The following RRP1B variants were observed in gnomAD, a reference collection of about 807,000 sequenced individuals.
RRP1B encodes the protein ribosomal RNA processing protein 1 homolog B.
In RRP1B, 56 loss-of-function variants were observed where a neutral mutation model predicts 80.2. The ratio of observed to expected loss-of-function variants is 0.70; its 90% CI spans 0.56 to 0.87. RRP1B has a LOEUF of 0.87. RRP1B is among the 40% of genes least tolerant of loss of function. The probability of loss-of-function intolerance (pLI) is 0.00; values close to 1 mark genes in which losing one functional copy is unlikely to be tolerated. For synonymous variants in RRP1B, 351 were observed against 357.6 expected, an observed-to-expected ratio of 0.98 and a Z score of 0.21; for missense variants, 807 against 939.8, an observed-to-expected ratio of 0.86 and a Z score of 1.85.
rs2083105940 is a variant in RRP1B, at chr21:43,696,057, A to G, written c.*2674A>G. On this transcript the variant is annotated 3_prime_UTR_variant, in exon 16 of 16. Transcript: ENST00000340648. ...ACTCGTCAAAGCCAAGTCCAATTAA[A>G]AAAAAAAGTCTTTGCCCTCCAATTT... is the stretch of plus-strand genomic sequence containing the variant. 1 of 148,946 alleles carries G rather than the reference A, an allele frequency of 6.7e-6. No homozygotes were observed. The highest frequency in any genetic ancestry group is 6.6e-5 in the Admixed American group (1 of 15,142). 9.2% of individuals were successfully genotyped at this position (148,946 alleles called of 1,614,324 possible). A position where few individuals can be genotyped will look rare whatever the true frequency, so the allele number is the denominator to read the frequency against.
Position 43,690,412 on chromosome 21 carries a change from C to A in RRP1B, c.1991C>A (p.Ala664Asp). The change falls in exon 14 of 16, where the codon GCC (alanine) becomes GAC (aspartate). Residue 664 changes from alanine to aspartate, a missense_variant. Physicochemically the swap from Ala to Asp is moderately radical, Grantham distance 126. Coordinates refer to ENST00000340648, the MANE Select transcript of RRP1B (RefSeq NM_015056.3). ...LFFRRAKSST[A>D]THPPGPAVQL... ...TTCAGAAGAGCCAAGAGCAGCACTGCCACCCACCCTCCAGGCCCTGCCGTC... is the reference window on the plus strand; with the variant it reads ...TTCAGAAGAGCCAAGAGCAGCACTGACACCCACCCTCCAGGCCCTGCCGTC... The A allele has an allele frequency of 6.2e-7, 1 of 1,614,150 alleles. No individual in the cohort carries two copies. The highest frequency in any genetic ancestry group is 2.2e-5 in the East Asian group (1 of 44,872).
chr21:43,676,868 T>C lies in RRP1B; in HGVS notation c.750T>C (p.Pro250=). The C allele has an allele frequency of 6.2e-7, 1 of 1,614,198 alleles. No homozygotes were observed. Among genetic ancestry groups the C allele is most frequent in the Non-Finnish European group, 8.5e-7 (1 of 1,180,014 alleles). The change falls in exon 8 of 16, where the codon CCT becomes CCC. Residue 250 remains proline, a synonymous_variant. Transcript: ENST00000340648. ...GTGACCTCTCTGCTGAGGAGATACC[T>C]GAAAATGAGGTATCCTTGAGAAGAG... ...GDGDLSAEEI[P]ENEVSLRRAV...
Position 43,659,573 on chromosome 21 carries a change from G to T in RRP1B, c.-92G>T. 1.0e-5 allele frequency: 13 copies of T among 1,242,406 alleles called. No homozygotes were observed. Among genetic ancestry groups the T allele is most frequent in the Non-Finnish European group, 1.3e-5 (13 of 991,896 alleles). The allele number at this position is 1,242,406 out of a possible 1,614,324, so 77.0% of individuals were successfully genotyped here. On this transcript the variant is annotated 5_prime_UTR_variant, in exon 1 of 16. Coordinates refer to ENST00000340648, the MANE Select transcript of RRP1B (RefSeq NM_015056.3). This position sits in a 1 kb window ranked among gnomAD's most constrained non-coding sequence, Gnocchi z 4.2. ...CGCCGCCGCCTTCTGTGCAGTCGCGGCCCGGGCGGACGGTGGCTGGCTGCT... is the reference window on the plus strand; with the variant it reads ...CGCCGCCGCCTTCTGTGCAGTCGCGTCCCGGGCGGACGGTGGCTGGCTGCT...
intron 8 of RRP1B, 131 bp downstream of exon 8, chr21:43,677,045 C>A: frequency 1.1e-6 from 1 of 885,400 alleles, no homozygotes; most frequent in Non-Finnish European, 1.7e-6. Context: ...CAGCCCCTCC[C>A]AAGAAAGGCA....
chr21:43,665,006 A>G (rs2082973068), intron 1 of RRP1B, among the ~76,000 whole-genome samples: 1 of 152,094 alleles, frequency 6.6e-6, no homozygotes, highest in South Asian at 2.1e-4. Context: ...GCCAACCCAT[A>G]TTACTCACCC....
intron 1 of RRP1B, among the ~76,000 whole-genome samples, chr21:43,662,681 G>A (rs1379192632): frequency 6.6e-6 from 1 of 152,142 alleles, no homozygotes; most frequent in Admixed American, 6.5e-5. Context: ...TGTTCAAGTT[G>A]GGTGCTCACA....
chr21:43,690,248 G>T (rs369300026), intron 13 of RRP1B, 40 bp from the exon 14 acceptor site: 1 of 1,607,914 alleles, frequency 6.2e-7, no homozygotes, highest in East Asian at 2.2e-5. Context: ...AGGCTCTGTC[G>T]TCTGACCCCT....
rs563789305 is a variant in RRP1B, at chr21:43,686,692, G to A, written c.1010-112G>A. ...GCGCTCAGGTTTGGGTGGGAGAAAC[G>A]GTGAGGAACGATGATGATGAGGCAG... On this transcript the variant is annotated intron_variant, in intron 11 of 15. Coordinates refer to ENST00000340648, the MANE Select transcript of RRP1B (RefSeq NM_015056.3). The A allele has an allele frequency of 1.9e-4, 234 of 1,256,910 alleles. 1 individual carries two copies. The South Asian group carries it at 3.0e-3, about 16-fold the overall frequency. The allele number at this position is 1,256,910 out of a possible 1,614,324, so 77.9% of individuals were successfully genotyped here.
At chr21:43,679,460 A>T (rs1466412047) in intron 8 of RRP1B, among the ~76,000 whole-genome samples, 2 of 151,998 alleles carry the variant, frequency 1.3e-5, no homozygotes, top group Non-Finnish European at 2.9e-5. Context: ...TTTAGTAGAG[A>T]TGGGGTTTCA....
intron 10 of RRP1B, 56 bp downstream of exon 10, chr21:43,684,706 G>C: frequency 1.4e-6 from 2 of 1,412,656 alleles, no homozygotes; most frequent in Non-Finnish European, 2.0e-6. Flanking sequence ...CTCATCTCCT[G>C]GTGTGGGACA....
rs1305948252 is a variant in RRP1B at position 43,684,560 on chromosome 21, A to G, written c.899A>G (p.Tyr300Cys). 1.9e-6 allele frequency: 3 copies of G among 1,614,082 alleles called. No individual in the cohort carries two copies. Among genetic ancestry groups the G allele is most frequent in the Non-Finnish European group, 2.5e-6 (3 of 1,179,938 alleles). Residue 300 changes from tyrosine to cysteine, a missense_variant, in exon 10 of 16, where the codon TAT becomes TGT. By Grantham distance (194) the Tyr-to-Cys change is radical. Coordinates refer to ENST00000340648, the MANE Select transcript of RRP1B (RefSeq NM_015056.3). ...EDTGPLLQFD[Y>C]KAVADRLLEM... is the part of the protein sequence containing the mutation. ...GTTTCTCTTCCTGCCTAGTTTGACT[A>G]TAAGGCTGTTGCTGATCGACTCCTG... is the stretch of plus-strand genomic sequence containing the variant.
intron 2 of RRP1B, among the ~76,000 whole-genome samples, chr21:43,671,584 C>T (rs958959130): frequency 6.6e-6 from 1 of 151,762 alleles, no homozygotes; most frequent in South Asian, 2.1e-4. Flanking sequence ...CCTAGGCTGG[C>T]GTTGAACTCC....
chr21:43,674,196 C>T lies in RRP1B; in HGVS notation c.357+241C>T, dbSNP rs1361375379. Among the ~76,000 whole-genome samples the T allele has an allele frequency of 2.0e-5, 3 of 152,248 alleles. No individual in the cohort carries two copies. In the East Asian group the frequency reaches 5.8e-4, roughly 29 times the overall value. ...GAGACAGAGTCTCTCTTGCTCTGCTCCCCAGGTTGGAGTGCAGTGGTGCGA... is the reference window on the plus strand; with the variant it reads ...GAGACAGAGTCTCTCTTGCTCTGCTTCCCAGGTTGGAGTGCAGTGGTGCGA... On this transcript the variant is annotated intron_variant, in intron 4 of 15. Coordinates refer to ENST00000340648, the MANE Select transcript of RRP1B (RefSeq NM_015056.3).
rs1485440961 is a variant in RRP1B at position 43,691,984 on chromosome 21, T to G, written c.2083+482T>G. ...TTTCTGAGTCAGAAGGAAGCACCTA[T>G]GTGTCTGTCCCTCATCCTCAAAGGG... On this transcript the variant is annotated intron_variant, in intron 15 of 15. Transcript: ENST00000340648. This position sits in a 1 kb window ranked among gnomAD's most constrained non-coding sequence, Gnocchi z 4.2. Among the ~76,000 whole-genome samples, 1 of 152,084 alleles carries G rather than the reference T, an allele frequency of 6.6e-6. No individual in the cohort carries two copies. Among genetic ancestry groups the G allele is most frequent in the Non-Finnish European group, 1.5e-5 (1 of 68,016 alleles).
At position 43,674,966 on chromosome 21, in the gene RRP1B, G is replaced by T; in HGVS notation, c.420-68G>T. The stretch of plus-strand genomic sequence containing the variant: ...TGTAGGTTCTAGACGGAGTATTTTT[G>T]TTTCTCTTTGGGAAGTGGGACGTGT... On this transcript the variant is annotated intron_variant, in intron 5 of 15. Coordinates refer to ENST00000340648, the MANE Select transcript of RRP1B (RefSeq NM_015056.3). 6.3e-6 allele frequency: 10 copies of T among 1,583,792 alleles called. No homozygotes were observed. In the Admixed American group the frequency reaches 7.2e-5, roughly 11 times the overall value.
Position 43,671,367 on chromosome 21 carries a change from C to CTTT in RRP1B, c.214-924_214-922dup, listed in dbSNP as rs1021875194. Among the ~76,000 whole-genome samples, 24 of 128,772 alleles carry CTTT rather than the reference C, an allele frequency of 1.9e-4. 1 individual carries two copies. Among genetic ancestry groups the CTTT allele is most frequent in the African/African-American group, 5.9e-4 (20 of 34,156 alleles). The allele number at this position is 128,772 out of a possible 152,430, so 84.5% of individuals were successfully genotyped here. On this transcript the variant is annotated intron_variant, in intron 2 of 15. Transcript: ENST00000340648. Reference sequence around the variant, plus strand: ...ATTTCTGGGATTATGATGAAGTTTTCTTTTTTTTTTTTTTTTTTTACAGAG... The same window carrying CTTT: ...ATTTCTGGGATTATGATGAAGTTTTCTTTTTTTTTTTTTTTTTTTTTTACAGAG...
In RRP1B at chr21:43,672,228, G is replaced by A. The variant is rs142179623; in HGVS notation, c.214-80G>A. On this transcript the variant is annotated intron_variant, in intron 2 of 15. Transcript: ENST00000340648. ...GACCTTCCCACGAGCGGAAGTGGGA[G>A]AAGGAAGCAGGCCGCGGCACAGGCA... 5.1e-4 allele frequency: 635 copies of A among 1,256,372 alleles called. 3 individuals are homozygous for A. The African/African-American group carries it at 8.2e-3, about 16-fold the overall frequency. The allele number at this position is 1,256,372 out of a possible 1,614,324, so 77.8% of individuals were successfully genotyped here. A position where few individuals can be genotyped will look rare whatever the true frequency, so the allele number is the denominator to read the frequency against.
At position 43,688,238 on chromosome 21, in the gene RRP1B, C is replaced by G. The variant is rs762711909; in HGVS notation, c.1864C>G (p.Leu622Val). 10 of 1,542,992 alleles carry G rather than the reference C, an allele frequency of 6.5e-6. 1 individual carries two copies. The highest frequency in any genetic ancestry group is 6.1e-6 in the Non-Finnish European group (7 of 1,141,894). ...GTCCGAAGCTGGGCAACCCCAGGCT[C>G]TGGTAAGGTGGGAGCACCCACAGGC... ...LESEAGQPQA[L>V]GSSGTCSSLK... The change falls in exon 13 of 16, where the codon CTG becomes GTG. Residue 622 changes from leucine (L) to valine (V), a missense_variant and splice_region_variant. Physicochemically the swap from Leu to Val is conservative, Grantham distance 32. Coordinates refer to ENST00000340648, the MANE Select transcript of RRP1B (RefSeq NM_015056.3).
chr21:43,677,343 T>C (rs9984720), intron 8 of RRP1B, among the ~76,000 whole-genome samples: 1 of 152,168 alleles, frequency 6.6e-6, no homozygotes, highest in Admixed American at 6.5e-5. Context: ...GGGAATGTTT[T>C]TCTTTTTCTT....
Sources: gnomAD v4.1 joint callset for allele counts (sites outside exome capture counted in the v4.1 genomes callset) on GRCh38, gnomAD v4.1.1 for gene constraint, Gnocchi (gnomAD v3.1) non-coding constraint, MANE v1.5 for transcripts, NCBI Gene and HGNC (gene_info 2026-07-23, HGNC 2026-07-21) for gene names.